The following DNAH7 variants were observed in gnomAD, a reference collection of about 807,000 sequenced individuals.
DNAH7 encodes the protein axonemal beta dynein heavy chain 7.
Under a neutral mutation model 444.6 loss-of-function variants are expected in DNAH7, and 397 were observed. The observed-to-expected ratio is 0.89, with a 90% CI of 0.82 to 0.97. DNAH7 has a LOEUF of 0.97. Among genes scored for constraint, DNAH7 ranks in the 50% least tolerant of loss-of-function variants. The probability of loss-of-function intolerance (pLI) is 0.00; values close to 1 mark genes in which losing one functional copy is unlikely to be tolerated. For missense variants in DNAH7, 4,902 were observed against 4,800.8 expected (o/e 1.02, Z -0.62); for synonymous variants, 1,636 against 1,624.4 (o/e 1.01, Z -0.17).
chr2:196,063,084 G>A (rs1434265241), intron 1 of DNAH7, among the ~76,000 whole-genome samples: 9 of 152,086 alleles, frequency 5.9e-5, no homozygotes, highest in African/African-American at 1.2e-4. Context: ...GTTTCGCTAC[G>A]TTAGCCAGGC....
intron 54 of DNAH7, among the ~76,000 whole-genome samples, chr2:195,802,115 T>C (rs908355645): frequency 6.6e-6 from 1 of 152,240 alleles, no homozygotes. Context: ...AATCACAGAA[T>C]AATTAATTCA....
chr2:195,835,330 T>A (rs1289626063), intron 47 of DNAH7, among the ~76,000 whole-genome samples: 9 of 145,160 alleles, frequency 6.2e-5, no homozygotes, highest in African/African-American at 2.0e-4. Context: ...GCAGAGCCAA[T>A]TCATTTAGGT....
intron 1 of DNAH7, among the ~76,000 whole-genome samples, chr2:196,062,618 T>C (rs898628244): frequency 2.6e-5 from 4 of 152,164 alleles, no homozygotes; most frequent in African/African-American, 9.7e-5. Context: ...CTACTTACGA[T>C]CACACCTTCA....
chr2:195,965,352 T>C (rs1340836182), intron 17 of DNAH7, among the ~76,000 whole-genome samples: 1 of 152,218 alleles, frequency 6.6e-6, no homozygotes, highest in Non-Finnish European at 1.5e-5. Flanking sequence ...TTTAATGCAT[T>C]GTTGAATTCA....
chr2:195,934,368 GT>G (rs927142496), intron 21 of DNAH7, among the ~76,000 whole-genome samples: 3 of 152,124 alleles, frequency 2.0e-5, no homozygotes, highest in African/African-American at 7.2e-5. Context: ...TCAAACCCAA[GT>G]GTTTTGTAGT....
intron 10 of DNAH7, among the ~76,000 whole-genome samples, chr2:196,003,166 A>G (rs1475276513): frequency 6.6e-6 from 1 of 151,826 alleles, no homozygotes; most frequent in Non-Finnish European, 1.5e-5. Flanking sequence ...TTTCACCAAA[A>G]AAAAAAAAAA....
chr2:196,062,953 G>C (rs1698214511), intron 1 of DNAH7, among the ~76,000 whole-genome samples: 1 of 152,110 alleles, frequency 6.6e-6, no homozygotes, highest in Non-Finnish European at 1.5e-5. Context: ...CGCAATCTCG[G>C]CTCACTGCAA....
At chr2:195,995,249 G>C (rs931930790) in intron 12 of DNAH7, 1 of 421,702 alleles carries the variant, frequency 2.4e-6, no homozygotes. Flanking sequence ...TCTTAATGAG[G>C]GAGATGCTTT....
chr2:195,975,168 G>C (rs112996360), intron 15 of DNAH7, among the ~76,000 whole-genome samples: 18 of 152,234 alleles, frequency 1.2e-4, no homozygotes, highest in African/African-American at 4.3e-4. Context: ...ACAGTACCTG[G>C]TATTAACTTC....
intron 17 of DNAH7, among the ~76,000 whole-genome samples, chr2:195,963,248 C>A (rs1226194634): frequency 6.6e-6 from 1 of 152,104 alleles, no homozygotes; most frequent in Non-Finnish European, 1.5e-5. Context: ...AGAAAGTTTC[C>A]TTTTCTCTAC....
At chr2:195,827,476 A>G (rs1330057304) in intron 48 of DNAH7, among the ~76,000 whole-genome samples, 2 of 151,980 alleles carry the variant, frequency 1.3e-5, no homozygotes. Flanking sequence ...ACAGGGCTTC[A>G]CCATGTTGTT....
At chr2:196,012,190 T>C (rs1352173988) in intron 10 of DNAH7, among the ~76,000 whole-genome samples, 2 of 152,170 alleles carry the variant, frequency 1.3e-5, no homozygotes, top group Admixed American at 6.6e-5. Flanking sequence ...CTGTTTATAA[T>C]AACTTAATGA....
At chr2:195,990,652 C>T (rs1693236899) in intron 12 of DNAH7, among the ~76,000 whole-genome samples, 2 of 150,852 alleles carry the variant, frequency 1.3e-5, no homozygotes, top group Non-Finnish European at 2.9e-5. Flanking sequence ...GAGTAAGACC[C>T]TGTCTCGAAA....
chr2:196,051,280 GT>G, intron 2 of DNAH7, 31 bp from the exon 3 acceptor site: 1 of 1,581,060 alleles, frequency 6.3e-7, no homozygotes, highest in Non-Finnish European at 8.7e-7. Context: ...GGAAAAAAGT[GT>G]TTACTCTGTT....
At chr2:196,020,606 GC>G (rs139463527) in intron 8 of DNAH7, among the ~76,000 whole-genome samples, 5 of 145,332 alleles carry the variant, frequency 3.4e-5, no homozygotes, top group Non-Finnish European at 6.0e-5. Flanking sequence ...ATAATTTGGG[GC>G]TTTTGTTTTT....
In DNAH7 at chr2:195,970,014, C is replaced by G. The variant is rs753010102; in HGVS notation, c.2139G>C (p.Gln713His). ...CCTTTTTTAGGTACCGCTGAACATCCTGAAGATCTCCAAATGAATAAAATT... is the reference window on the plus strand; with the variant it reads ...CCTTTTTTAGGTACCGCTGAACATCGTGAAGATCTCCAAATGAATAAAATT... Reference protein sequence around the residue: ...SEEFYSFGDLQDVQRYLKKAQ... With the variant: ...SEEFYSFGDLHDVQRYLKKAQ... The change falls in exon 17 of 65, where the codon CAG (glutamine) becomes CAC (histidine). Residue 713 changes from glutamine (Q) to histidine (H), a missense_variant. Transcript: ENST00000312428. 2 of 1,612,522 alleles carry G rather than the reference C, an allele frequency of 1.2e-6. No homozygotes were observed. The highest frequency in any genetic ancestry group is 1.3e-5 in the African/African-American group (1 of 74,838).
At chr2:195,922,233 A>C in intron 23 of DNAH7, 36 bp from the exon 24 acceptor site, 1 of 1,221,484 alleles carries the variant, frequency 8.2e-7, no homozygotes, top group Non-Finnish European at 1.2e-6. Flanking sequence ...TTAAACAATA[A>C]AATTGTAAAT....
chr2:195,770,633 C>A (rs1321237715), intron 61 of DNAH7, among the ~76,000 whole-genome samples: 1 of 152,156 alleles, frequency 6.6e-6, no homozygotes, highest in African/African-American at 2.4e-5. Context: ...CCTGACCCAA[C>A]CTAAGAGAGC....
intron 5 of DNAH7, among the ~76,000 whole-genome samples, chr2:196,035,758 G>GT (rs980724128): frequency 1.3e-4 from 20 of 152,154 alleles, no homozygotes; most frequent in Admixed American, 3.3e-4. Context: ...CAGGAAAAAT[G>GT]TAAGTGAGGT....
Sources: allele counts gnomAD v4.1 joint callset (sites outside exome capture counted in the v4.1 genomes callset), GRCh38; gene constraint gnomAD v4.1.1; transcripts MANE v1.5; gene names NCBI Gene and HGNC (gene_info 2026-07-23, HGNC 2026-07-21).